ESRRG: variants seen among roughly 807,000 people sequenced by gnomAD.
ESRRG encodes the protein estrogen related receptor gamma.
A neutral mutation model predicts 44.0 loss-of-function variants in ESRRG; 13 were observed. The ratio of observed to expected loss-of-function variants is 0.30; its 90% confidence interval spans 0.19 to 0.47. The LOEUF is 0.47. Ranked by LOEUF, ESRRG falls within the 20% of genes least tolerant of loss-of-function variation. The pLI, the probability that ESRRG is intolerant of heterozygous loss-of-function variation, is 1.00. For synonymous variants in ESRRG, 215 were observed against 214.6 expected, an observed-to-expected ratio of 1.00 and a Z score of -0.02; for missense variants, 395 against 580.6, an observed-to-expected ratio of 0.68 and a Z score of 3.29.
chr1:216,721,798 C>T (rs2086353304), intron 1 of ESRRG, among the ~76,000 whole-genome samples: 1 of 152,182 alleles, frequency 6.6e-6, no homozygotes, highest in South Asian at 2.1e-4. Context: ...GTACACTAAC[C>T]TTCAAACTAC....
intron 1 of ESRRG, among the ~76,000 whole-genome samples, chr1:216,721,443 T>A (rs1232657801): frequency 1.3e-5 from 2 of 152,244 alleles, no homozygotes; most frequent in Non-Finnish European, 2.9e-5. Context: ...GTGAACCACG[T>A]AACCATCAGA....
chr1:217,068,794 G>A (rs540514691), intron 1 of ESRRG, among the ~76,000 whole-genome samples: 1 of 152,162 alleles, frequency 6.6e-6, no homozygotes, highest in South Asian at 2.1e-4. Context: ...TGAAGAAAAA[G>A]GTAAAAAGCA....
At chr1:216,953,327 A>G (rs2067299924) in intron 1 of ESRRG, among the ~76,000 whole-genome samples, 1 of 152,200 alleles carries the variant, frequency 6.6e-6, no homozygotes, top group Non-Finnish European at 1.5e-5. Flanking sequence ...CATATGCTGA[A>G]TAGTTACCTC....
intron 2 of ESRRG, among the ~76,000 whole-genome samples, chr1:216,744,925 T>C (rs12402813): frequency 0.13 from 20,392 of 152,228 alleles, 1,462 homozygotes; most frequent in Middle Eastern, 0.23. Context: ...CAAGTGTGTA[T>C]GTTTCTGCTC....
chr1:216,727,802 G>T (rs1231774465), upstream of ESRRG, among the ~76,000 whole-genome samples: 1 of 151,562 alleles, frequency 6.6e-6, no homozygotes, highest in Non-Finnish European at 1.5e-5. Flanking sequence ...CCAAATTATG[G>T]AGCCTATATA....
chr1:216,866,926 A>G (rs1342265808), intron 2 of ESRRG, among the ~76,000 whole-genome samples: 1 of 152,042 alleles, frequency 6.6e-6, no homozygotes, highest in Non-Finnish European at 1.5e-5. Flanking sequence ...ACAGTTTTTA[A>G]CTTTAAATAT....
At chr1:216,738,158 G>C (rs1381450374) in intron 2 of ESRRG, among the ~76,000 whole-genome samples, 1 of 152,114 alleles carries the variant, frequency 6.6e-6, no homozygotes, top group Admixed American at 6.6e-5. Context: ...GGTCCATACA[G>C]TGGTATTTTT....
intron 1 of ESRRG, among the ~76,000 whole-genome samples, chr1:216,979,489 T>A (rs1445127948): frequency 2.0e-5 from 3 of 152,060 alleles, no homozygotes; most frequent in Non-Finnish European, 4.4e-5. Flanking sequence ...TGGCCAAGAT[T>A]CTTAGATTCT....
chr1:216,540,017 T>A (rs1382977347), intron 5 of ESRRG, among the ~76,000 whole-genome samples: 1 of 151,956 alleles, frequency 6.6e-6, no homozygotes, highest in Non-Finnish European at 1.5e-5. Context: ...ACCAAGAAAT[T>A]TAAAATAGGC....
intron 1 of ESRRG, among the ~76,000 whole-genome samples, chr1:217,058,217 T>C (rs2151315802): frequency 6.6e-6 from 1 of 152,268 alleles, no homozygotes; most frequent in Admixed American, 6.5e-5. Context: ...AATTAAACTA[T>C]CATCAGACTT....
intron 2 of ESRRG, among the ~76,000 whole-genome samples, chr1:216,763,913 G>A (rs900858901): frequency 9.9e-5 from 15 of 152,120 alleles, no homozygotes; most frequent in Admixed American, 3.3e-4. Flanking sequence ...ATTTAGCACC[G>A]AGTAGGTATT....
chr1:217,120,339 A>G (rs1053303924), intron 1 of ESRRG, among the ~76,000 whole-genome samples: 5 of 152,120 alleles, frequency 3.3e-5, no homozygotes, highest in Admixed American at 2.6e-4. Context: ...TACTTTATTT[A>G]ATCTCCACTA....
intron 2 of ESRRG, among the ~76,000 whole-genome samples, chr1:216,833,655 G>A (rs1238086890): frequency 6.6e-6 from 1 of 152,164 alleles, no homozygotes; most frequent in African/African-American, 2.4e-5. Context: ...ATTTAGGGGA[G>A]AGAAAGATCA....
chr1:216,966,650 C>T lies in ESRRG; in HGVS notation c.-105-26977G>A, dbSNP rs114217986. 3.3e-3 allele frequency among the ~76,000 whole-genome samples: 503 copies of T among 152,172 alleles called. 2 individuals are homozygous for T. Among genetic ancestry groups the T allele is most frequent in the African/African-American group, 0.012 (478 of 41,530 alleles). ...TTCCCTCATCATGGTGCTCAACTTCCGGCTCTTGTTTTCTTATCCTAGCAT... is the reference window on the plus strand; with the variant it reads ...TTCCCTCATCATGGTGCTCAACTTCTGGCTCTTGTTTTCTTATCCTAGCAT... On this transcript the variant is annotated intron_variant, in intron 1 of 7. Coordinates refer to the ESRRG transcript ENST00000359162.
At chr1:216,529,271 G>A (rs558436669) in intron 5 of ESRRG, among the ~76,000 whole-genome samples, 9 of 152,212 alleles carry the variant, frequency 5.9e-5, no homozygotes, top group African/African-American at 2.2e-4. Context: ...TTTTTTAATA[G>A]GTCAGAACCA....
At chr1:216,547,159 TA>T (rs1188279915) in intron 5 of ESRRG, among the ~76,000 whole-genome samples, 2 of 152,006 alleles carry the variant, frequency 1.3e-5, no homozygotes, top group Non-Finnish European at 2.9e-5. Flanking sequence ...AATCTAGGTT[TA>T]AGATTAATTG....
intron 2 of ESRRG, among the ~76,000 whole-genome samples, chr1:216,918,410 G>A (rs186721834): frequency 6.6e-6 from 1 of 152,040 alleles, no homozygotes; most frequent in Admixed American, 6.6e-5. Flanking sequence ...ACTGGTGTGG[G>A]GAAAATAAGC....
At chr1:216,561,260 T>C (rs1354115256) in intron 5 of ESRRG, among the ~76,000 whole-genome samples, 2 of 152,158 alleles carry the variant, frequency 1.3e-5, no homozygotes, top group Non-Finnish European at 2.9e-5. Context: ...TCATTTTCGA[T>C]GCTAAACTTA....
rs151305181 is a variant in ESRRG at position 217,050,562 on chromosome 1, T to C, written c.-106+38945A>G. ...ACACAGAGAGGCAGGTGACTGGGGATCAATTGACAAAATGGCAATCTCCAA... is the reference window on the plus strand; with the variant it reads ...ACACAGAGAGGCAGGTGACTGGGGACCAATTGACAAAATGGCAATCTCCAA... On this transcript the variant is annotated intron_variant, in intron 1 of 7. Coordinates refer to the ESRRG transcript ENST00000359162. 8.4e-3 allele frequency among the ~76,000 whole-genome samples: 1,279 copies of C among 152,126 alleles called. 9 individuals are homozygous for C. Among genetic ancestry groups the C allele is most frequent in the Non-Finnish European group, 0.01 (710 of 67,970 alleles).
Sources: allele counts gnomAD v4.1 joint callset (sites outside exome capture counted in the v4.1 genomes callset), GRCh38; gene constraint gnomAD v4.1.1; transcripts MANE v1.5; gene names NCBI Gene and HGNC (gene_info 2026-07-23, HGNC 2026-07-21).